Variants in DOP1B observed in about 807,000 individuals in gnomAD.
DOP1B encodes the protein protein DOP1B.
DOP1B carries 174 observed loss-of-function variants against 233.5 expected under a neutral mutation model. The ratio of observed to expected loss-of-function variants is 0.75; its 90% CI spans 0.66 to 0.85. The LOEUF is 0.85. DOP1B is among the 40% of genes least tolerant of loss of function. The pLI, the probability that DOP1B is intolerant of heterozygous loss-of-function variation, is 0.00. For synonymous variants in DOP1B, 1,190 were observed against 1,185.6 expected (o/e 1.00, Z -0.08); for missense variants, 2,652 against 2,846.6 (o/e 0.93, Z 1.56).
chr21:36,257,628 AG>A (rs2082375470), intron 23 of DOP1B, among the ~76,000 whole-genome samples: 1 of 151,764 alleles, frequency 6.6e-6, no homozygotes, highest in Non-Finnish European at 1.5e-5. Flanking sequence ...ATAGATAGAT[AG>A]ATAGATAGAT....
At chr21:36,263,353 C>T (rs1478743674) in intron 24 of DOP1B, among the ~76,000 whole-genome samples, 193 bp from the exon 25 acceptor site, 2 of 151,802 alleles carry the variant, frequency 1.3e-5, no homozygotes, top group South Asian at 2.1e-4. Context: ...ATTTCAGGTT[C>T]TCAAACTCCA....
At chr21:36,217,397 C>G (rs1199087997) in intron 9 of DOP1B, among the ~76,000 whole-genome samples, 1 of 152,162 alleles carries the variant, frequency 6.6e-6, no homozygotes, top group Admixed American at 6.5e-5. Flanking sequence ...CTCCAACAAC[C>G]CCAAGGTAGG....
At chr21:36,275,311 G>C (rs966424885) in intron 27 of DOP1B, among the ~76,000 whole-genome samples, 1 of 152,168 alleles carries the variant, frequency 6.6e-6, no homozygotes, top group East Asian at 1.9e-4. Flanking sequence ...TATTTGATAG[G>C]AGTCAGGAAC....
At chr21:36,218,104 C>T (rs1037364103) in intron 9 of DOP1B, among the ~76,000 whole-genome samples, 3 of 152,204 alleles carry the variant, frequency 2.0e-5, no homozygotes, top group Non-Finnish European at 4.4e-5. Context: ...CACAGGACGG[C>T]CATTCAGTCC....
Position 36,219,369 on chromosome 21 carries a change from C to T in DOP1B, c.1130-3C>T, listed in dbSNP as rs1236568650. 6.2e-7 allele frequency: 1 copy of T among 1,614,110 alleles called. No homozygotes were observed. On this transcript the variant is annotated splice_region_variant and splice_polypyrimidine_tract_variant and intron_variant, in intron 9 of 36. Transcript: ENST00000691173. ...TCTCTGACCATCTTCCTTCTAATTA[C>T]AGGGCCTCAAGTGGTTGGGAATTTG...
intron 2 of DOP1B, among the ~76,000 whole-genome samples, chr21:36,180,421 T>C (rs1029921870): frequency 6.7e-6 from 1 of 150,144 alleles, no homozygotes; most frequent in Non-Finnish European, 1.5e-5. Flanking sequence ...ATACAAAAAA[T>C]TAGCTGGGTG....
chr21:36,187,669 C>T (rs904949295), intron 2 of DOP1B, among the ~76,000 whole-genome samples: 11 of 151,978 alleles, frequency 7.2e-5, no homozygotes, highest in African/African-American at 1.9e-4. Context: ...TGCAGAGGTG[C>T]GATCGTAGCT....
In DOP1B at chr21:36,293,656, T is replaced by C. The variant is rs2067584329; in HGVS notation, c.*85T>C. On this transcript the variant is annotated 3_prime_UTR_variant, in exon 37 of 37. Transcript: ENST00000691173. ...ATTCTAAAGAAGAAAGAAGGCAGGATAGTGCTTTTGAACAAGCCTATTTCC... is the reference window on the plus strand; with the variant it reads ...ATTCTAAAGAAGAAAGAAGGCAGGACAGTGCTTTTGAACAAGCCTATTTCC... 1.4e-6 allele frequency: 2 copies of C among 1,459,838 alleles called. No individual in the cohort carries two copies. Among genetic ancestry groups the C allele is most frequent in the South Asian group, 1.3e-5 (1 of 78,712 alleles). 90.4% of individuals were successfully genotyped at this position (1,459,838 alleles called of 1,614,324 possible).
chr21:36,187,864 G>A (rs1323632820), intron 2 of DOP1B, among the ~76,000 whole-genome samples: 1 of 152,136 alleles, frequency 6.6e-6, no homozygotes, highest in African/African-American at 2.4e-5. Context: ...GCCTCCCAAA[G>A]TGCTGGGATT....
In DOP1B at chr21:36,260,463, A is replaced by G. The variant is rs115704007; in HGVS notation, c.5260-214A>G. Reference sequence around the variant, plus strand: ...GCACAGGGTGGGAGATCACTGTAGAAGTCTAAGGGGATGTGAATGATTTGG... The same window carrying G: ...GCACAGGGTGGGAGATCACTGTAGAGGTCTAAGGGGATGTGAATGATTTGG... On this transcript the variant is annotated intron_variant, in intron 23 of 36. Transcript: ENST00000691173. Among the ~76,000 whole-genome samples, 1,256 of 152,278 alleles carry G rather than the reference A, an allele frequency of 8.2e-3. 13 individuals are homozygous for G. The highest frequency in any genetic ancestry group is 0.029 in the African/African-American group (1,189 of 41,550).
chr21:36,201,809 T>C (rs548804283), intron 4 of DOP1B, among the ~76,000 whole-genome samples: 117 of 152,038 alleles, frequency 7.7e-4, no homozygotes, highest in Admixed American at 2.2e-3. Flanking sequence ...AGCACTCATA[T>C]GCACAAAAGT....
At chr21:36,266,996 G>T (rs2067238182) in intron 26 of DOP1B, among the ~76,000 whole-genome samples, 1 of 152,102 alleles carries the variant, frequency 6.6e-6, no homozygotes, top group Non-Finnish European at 1.5e-5. Context: ...CTTCCCTCGA[G>T]CGCACCCTTC....
intron 2 of DOP1B, among the ~76,000 whole-genome samples, chr21:36,184,052 A>G (rs1288423102): frequency 7.2e-6 from 1 of 139,390 alleles, no homozygotes; most frequent in East Asian, 2.1e-4. Context: ...TGCTTTTTCT[A>G]TTTTATCTTT....
chr21:36,249,860 T>C (rs1049283089), intron 21 of DOP1B, among the ~76,000 whole-genome samples: 2 of 152,224 alleles, frequency 1.3e-5, no homozygotes, highest in African/African-American at 4.8e-5. Flanking sequence ...CCAGACATTC[T>C]GTCGGTTCCT....
At chr21:36,268,995 C>T (rs897034060) in intron 26 of DOP1B, among the ~76,000 whole-genome samples, 1 of 152,036 alleles carries the variant, frequency 6.6e-6, no homozygotes, top group Non-Finnish European at 1.5e-5. Context: ...CACCACTACA[C>T]TCCAGCCTGG....
intron 4 of DOP1B, among the ~76,000 whole-genome samples, chr21:36,208,486 C>T (rs899377438): frequency 3.3e-5 from 5 of 152,202 alleles, no homozygotes; most frequent in Admixed American, 6.5e-5. Context: ...CAAGACACCG[C>T]GCTGCCTAGT....
chr21:36,240,052 T>G (rs1601439268), intron 18 of DOP1B, 97 bp downstream of exon 18: 2 of 1,333,960 alleles, frequency 1.5e-6, no homozygotes, highest in Non-Finnish European at 2.0e-6. Flanking sequence ...CACTAGGGGG[T>G]TTTGTTAGAT....
chr21:36,157,348 G>T (rs913169559), intron 1 of DOP1B, among the ~76,000 whole-genome samples: 3 of 152,176 alleles, frequency 2.0e-5, no homozygotes, highest in South Asian at 2.1e-4. Flanking sequence ...TTGTTTGCTG[G>T]TGCCCTGGCT....
intron 5 of DOP1B, among the ~76,000 whole-genome samples, chr21:36,209,485 C>T (rs1471700259): frequency 6.6e-6 from 1 of 152,212 alleles, no homozygotes; most frequent in African/African-American, 2.4e-5. Flanking sequence ...CTGCACACGG[C>T]GCTCAGACGG....
Sources: allele counts gnomAD v4.1 joint callset (sites outside exome capture counted in the v4.1 genomes callset), GRCh38; gene constraint gnomAD v4.1.1; transcripts MANE v1.5; gene names NCBI Gene and HGNC (gene_info 2026-07-23, HGNC 2026-07-21).